The following ASIP variants were observed in gnomAD, a reference collection of about 807,000 sequenced individuals.
ASIP encodes agouti signaling protein, also known as agouti-signaling protein.
A neutral mutation model predicts 10.3 loss-of-function variants in ASIP; 11 were observed. The observed-to-expected ratio is 1.07, with a 90% CI of 0.68 to 1.78. The LOEUF is 1.78. Ranked by LOEUF, ASIP falls within the 40% of genes most tolerant of loss-of-function variation. The pLI, the probability that ASIP is intolerant of heterozygous loss-of-function variation, is 0.00. For synonymous variants in ASIP, 70 were observed against 70.8 expected, an observed-to-expected ratio of 0.99 and a Z score of 0.06; for missense variants, 180 against 169.2, an observed-to-expected ratio of 1.06 and a Z score of -0.35.
intron 1 of ASIP, among the ~76,000 whole-genome samples, chr20:34,258,816 A>T (rs1414614350): frequency 1.7e-5 from 2 of 119,914 alleles, no homozygotes; most frequent in Non-Finnish European, 3.4e-5. Context: ...TGATATATAT[A>T]ATACTATATA....
intron 1 of ASIP, among the ~76,000 whole-genome samples, chr20:34,256,643 T>G (rs1157199559): frequency 6.6e-6 from 1 of 152,160 alleles, no homozygotes; most frequent in African/African-American, 2.4e-5. Context: ...CTCACTTCTT[T>G]GTAGAAATTC....
chr20:34,249,077 T>C (rs1398933017), intron 1 of ASIP, among the ~76,000 whole-genome samples: 1 of 151,482 alleles, frequency 6.6e-6, no homozygotes, highest in African/African-American at 2.4e-5. Context: ...TACAATGAGC[T>C]GAGATGGCAC....
chr20:34,241,467 C>G lies in ASIP; in HGVS notation c.-33C>G. On this transcript the variant is annotated 5_prime_UTR_variant, in exon 1 of 4. Coordinates refer to ENST00000374954, the MANE Select transcript of ASIP (RefSeq NM_001672.3). ...AAGGTGAAAAAGGAAGTTCCTTGGC[C>G]TGGGCTCTTTGCGGGAAAGCATGTG... The G allele has an allele frequency of 1.0e-6, 1 of 985,450 alleles. No individual in the cohort carries two copies. Among genetic ancestry groups the G allele is most frequent in the Non-Finnish European group, 1.2e-6 (1 of 829,936 alleles). The allele number at this position is 985,450 out of a possible 1,614,324, so 61.0% of individuals were successfully genotyped here.
intron 1 of ASIP, among the ~76,000 whole-genome samples, chr20:34,225,858 T>A (rs2035089035): frequency 6.6e-6 from 1 of 152,142 alleles, no homozygotes; most frequent in East Asian, 1.9e-4. Context: ...CCACTGATTT[T>A]AAAATACTTA....
intron 1 of ASIP, among the ~76,000 whole-genome samples, chr20:34,259,382 G>C (rs1434308178): frequency 6.6e-6 from 1 of 151,566 alleles, no homozygotes; most frequent in Non-Finnish European, 1.5e-5. Context: ...GTGTGGTGGT[G>C]GGCACCTGTA....
chr20:34,269,008 G>A lies in ASIP; in HGVS notation c.240G>A (p.Lys80=), dbSNP rs758913102. ...CCACGCAGAAGGAGGCTTCGATGAA[G>A]AAAGTGGTGCGGCCCCGGACCCCCC... ...KRSSKKEASM[K]KVVRPRTPLS... Residue 80 remains lysine (K), a synonymous_variant, in exon 4 of 4, where the codon AAG becomes AAA. Coordinates refer to ENST00000374954, the MANE Select transcript of ASIP (RefSeq NM_001672.3). The A allele has an allele frequency of 1.2e-6, 2 of 1,607,732 alleles. No individual in the cohort carries two copies. The highest frequency in any genetic ancestry group is 1.7e-6 in the Non-Finnish European group (2 of 1,177,736).
At chr20:34,209,497 T>G (rs2034959011) in intron 1 of ASIP, among the ~76,000 whole-genome samples, 1 of 152,168 alleles carries the variant, frequency 6.6e-6, no homozygotes, top group South Asian at 2.1e-4. Context: ...ATCTCTGCAC[T>G]CTTGGCAGCC....
chr20:34,238,884 T>G (rs917617182), upstream of ASIP, among the ~76,000 whole-genome samples: 1 of 152,186 alleles, frequency 6.6e-6, no homozygotes, highest in Non-Finnish European at 1.5e-5. Flanking sequence ...CAAGGACACT[T>G]TGCCATCCAA....
chr20:34,234,993 C>T lies in ASIP; in HGVS notation c.-10-25372C>T, dbSNP rs868712741. 16 of 152,214 alleles carry T rather than the reference C, an allele frequency of 1.1e-4. 1 individual carries two copies. The highest frequency in any genetic ancestry group is 3.6e-4 in the African/African-American group (15 of 41,522). 9.4% of individuals were successfully genotyped at this position (152,214 alleles called of 1,614,324 possible). On this transcript the variant is annotated intron_variant, in intron 1 of 3. Coordinates refer to the ASIP transcript ENST00000568305. The stretch of plus-strand genomic sequence containing the variant: ...GCTCCTAAGGGTACAAAATCCATGG[C>T]TAATGTTGCCAGTAAGAGGCCACAT...
chr20:34,244,436 C>A (rs1343966415), intron 1 of ASIP, among the ~76,000 whole-genome samples: 3 of 152,160 alleles, frequency 2.0e-5, no homozygotes, highest in African/African-American at 4.8e-5. Context: ...CCACTCAGAA[C>A]AATGATGATG....
rs574186399 is a variant in ASIP at position 34,268,993 on chromosome 20, G to A, written c.225G>A (p.Lys75=). The change falls in exon 4 of 4, where the codon AAG becomes AAA. Residue 75 remains lysine (K), a splice_region_variant and synonymous_variant. Coordinates refer to ENST00000374954, the MANE Select transcript of ASIP (RefSeq NM_001672.3). ...AAGCCCCGGCGTTTCCCACGCAGAA[G>A]GAGGCTTCGATGAAGAAAGTGGTGC... is the stretch of plus-strand genomic sequence containing the variant. The part of the protein sequence containing the change: ...KAAEKKRSSK[K]EASMKKVVRP... 2 of 1,604,050 alleles carry A rather than the reference G, an allele frequency of 1.2e-6. No individual in the cohort carries two copies. Among genetic ancestry groups the A allele is most frequent in the South Asian group, 2.2e-5 (2 of 89,224 alleles).
Position 34,253,442 on chromosome 20 carries a change from TTTTATTTTATTTA to T in ASIP, c.-10-6915_-10-6903del, listed in dbSNP as rs1406952897. ...TCTTTTCCCTACGCTCTTATTTTTA[TTTTATTTTATTTA>T]TTTATTTATTTATTTATTTATTTAT... is the stretch of plus-strand genomic sequence containing the variant. On this transcript the variant is annotated intron_variant, in intron 1 of 3. Transcript: ENST00000374954. Among the ~76,000 whole-genome samples, 48 of 105,132 alleles carry T rather than the reference TTTTATTTTATTTA, an allele frequency of 4.6e-4. 1 individual carries two copies. Among genetic ancestry groups the T allele is most frequent in the African/African-American group, 2.2e-3 (39 of 17,538 alleles). The allele number at this position is 105,132 out of a possible 152,430, so 69.0% of individuals were successfully genotyped here.
the ASIP span, among the ~76,000 whole-genome samples, chr20:34,189,187 C>T: frequency 1.1e-3 from 175 of 152,268 alleles, no homozygotes; most frequent in African/African-American, 4.1e-3. Context: ...AGCAGAGCCA[C>T]GGTCTGGTGC....
upstream of ASIP, among the ~76,000 whole-genome samples, chr20:34,237,869 T>C (rs117186728): frequency 6.9e-4 from 105 of 152,284 alleles, 1 homozygote; most frequent in East Asian, 0.02. Context: ...TGAAATTATG[T>C]TAGAGTTTGT....
intron 1 of ASIP, among the ~76,000 whole-genome samples, chr20:34,218,668 C>T (rs997250935): frequency 6.6e-6 from 1 of 151,818 alleles, no homozygotes; most frequent in Non-Finnish European, 1.5e-5. Flanking sequence ...GGAAAAGGAG[C>T]ATGTGTCCTT....
chr20:34,224,286 G>C (rs2122569198), intron 1 of ASIP, among the ~76,000 whole-genome samples: 1 of 151,858 alleles, frequency 6.6e-6, no homozygotes, highest in South Asian at 2.1e-4. Flanking sequence ...AAGATAAGCT[G>C]TCTCCTTGGG....
At chr20:34,202,995 C>A (rs1329180709) in intron 1 of ASIP, among the ~76,000 whole-genome samples, 1 of 151,446 alleles carries the variant, frequency 6.6e-6, no homozygotes, top group Non-Finnish European at 1.5e-5. Context: ...TTTTTAGTAG[C>A]GACGGGGTTT....
At chr20:34,189,318 C>T in the ASIP span, among the ~76,000 whole-genome samples, 1 of 152,064 alleles carries the variant, frequency 6.6e-6, no homozygotes, top group East Asian at 1.9e-4. Flanking sequence ...TCTCGGCTCA[C>T]CGCAACCTCT....
chr20:34,263,019 C>T, intron 3 of ASIP, 126 bp downstream of exon 3: 1 of 1,097,566 alleles, frequency 9.1e-7, no homozygotes, highest in Non-Finnish European at 1.3e-6. Flanking sequence ...ACAAAAGAAA[C>T]TGAAAGCTAC....
Sources: allele counts gnomAD v4.1 joint callset (sites outside exome capture counted in the v4.1 genomes callset), GRCh38; gene constraint gnomAD v4.1.1; transcripts MANE v1.5; gene names NCBI Gene and HGNC (gene_info 2026-07-23, HGNC 2026-07-21).